Variants in KCTD10 observed in about 807,000 individuals in gnomAD.
KCTD10 encodes potassium channel tetramerization domain containing 10.
KCTD10 carries 13 observed loss-of-function variants against 34.6 expected under a neutral mutation model. The observed-to-expected ratio is 0.38, with a 90% CI of 0.24 to 0.60. The LOEUF (loss-of-function observed/expected upper bound fraction) is 0.60. Among genes scored for constraint, KCTD10 ranks in the 20% least tolerant of loss-of-function variants. The pLI is 0.66. For missense variants in KCTD10, 256 were observed against 420.3 expected (o/e 0.61, Z 3.42); for synonymous variants, 156 against 168.8 (o/e 0.92, Z 0.59).
In KCTD10 at chr12:109,451,498, G is replaced by A; in HGVS notation, c.*97C>T. Reference sequence around the variant, plus strand: ...TTACAAAAGTATCTCCAGGCTCCAAGGGAAGCAGAAGGGGCCCGGCAGCCT... The same window carrying A: ...TTACAAAAGTATCTCCAGGCTCCAAAGGAAGCAGAAGGGGCCCGGCAGCCT... On this transcript the variant is annotated 3_prime_UTR_variant, in exon 7 of 7. Coordinates refer to ENST00000228495, the MANE Select transcript of KCTD10 (RefSeq NM_031954.5). The surrounding 1 kb of genome is among the most constrained non-coding windows in gnomAD (Gnocchi z 5.0). The A allele has an allele frequency of 8.6e-7, 1 of 1,163,244 alleles. No homozygotes were observed. The highest frequency in any genetic ancestry group is 1.2e-6 in the Non-Finnish European group (1 of 826,658). The allele number at this position is 1,163,244 out of a possible 1,614,324, so 72.1% of individuals were successfully genotyped here.
intron 1 of KCTD10, among the ~76,000 whole-genome samples, chr12:109,471,573 C>T (rs1873888051): frequency 6.6e-6 from 1 of 152,196 alleles, no homozygotes; most frequent in Admixed American, 6.5e-5. Flanking sequence ...TTCTAGCTGT[C>T]CTCTGAAATC....
chr12:109,466,495 C>T (rs1873593060), intron 2 of KCTD10, among the ~76,000 whole-genome samples: 1 of 152,234 alleles, frequency 6.6e-6, no homozygotes, highest in Non-Finnish European at 1.5e-5. Context: ...ATTAGCACAA[C>T]ATGTAGACAG....
rs1872682570 is a variant in KCTD10, at chr12:109,449,996, A to C, written c.*1599T>G. On this transcript the variant is annotated 3_prime_UTR_variant, in exon 7 of 7. Transcript: ENST00000228495. The stretch of plus-strand genomic sequence containing the variant: ...CATGATTGTTTTAAAGTTTTATTGT[A>C]GACTTTGCTGTTGGATACAAAATGA... 3.0e-6 allele frequency: 1 copy of C among 328,944 alleles called. No homozygotes were observed. The highest frequency in any genetic ancestry group is 1.5e-4 in the South Asian group (1 of 6,464). 20.4% of individuals were successfully genotyped at this position (328,944 alleles called of 1,614,324 possible).
intron 2 of KCTD10, among the ~76,000 whole-genome samples, chr12:109,461,426 G>A (rs963387052): frequency 1.3e-5 from 2 of 152,120 alleles, no homozygotes; most frequent in Non-Finnish European, 1.5e-5. Flanking sequence ...CAGGCAGCTC[G>A]GTAAACATGG....
chr12:109,458,413 A>C, intron 3 of KCTD10: 1 of 218,208 alleles, frequency 4.6e-6, no homozygotes, highest in Non-Finnish European at 9.1e-6. Context: ...CCCCACTACC[A>C]TGACTGCAGA....
In KCTD10 at chr12:109,458,000, A is replaced by T; in HGVS notation, c.466T>A (p.Ser156Thr). ...GGGTGCCTCCAACATACCTTATTTGAAGTCGCTATAAGTTTTTGTTCTTCC... is the reference window on the plus strand; with the variant it reads ...GGGTGCCTCCAACATACCTTATTTGTAGTCGCTATAAGTTTTTGTTCTTCC... ...SKEEQKLIAT[S>T]NKPAVKLLYN... Residue 156 changes from serine to threonine, a missense_variant, in exon 4 of 7, where the codon TCA becomes ACA. Physicochemically the swap from Ser to Thr is moderately conservative, Grantham distance 58. Transcript: ENST00000228495. 6.2e-7 allele frequency: 1 copy of T among 1,613,222 alleles called. No homozygotes were observed. Among genetic ancestry groups the T allele is most frequent in the Non-Finnish European group, 8.5e-7 (1 of 1,179,104 alleles).
intron 2 of KCTD10, among the ~76,000 whole-genome samples, chr12:109,465,211 G>C (rs1434956855): frequency 1.3e-5 from 2 of 152,194 alleles, no homozygotes; most frequent in Non-Finnish European, 2.9e-5. Flanking sequence ...GCGGCTGTAT[G>C]CTTCTAGAAT....
chr12:109,460,912 G>A lies in KCTD10; in HGVS notation c.218-107C>T, dbSNP rs756646835. On this transcript the variant is annotated intron_variant, in intron 2 of 6. Transcript: ENST00000228495. The surrounding 1 kb of genome is among the most constrained non-coding windows in gnomAD (Gnocchi z 4.5). ...CTCCCTCTACCTCCCAGCGGAGAGCGGGACTGCCTGGAGAATGGCAGCCTC... is the reference window on the plus strand; with the variant it reads ...CTCCCTCTACCTCCCAGCGGAGAGCAGGACTGCCTGGAGAATGGCAGCCTC... 8.9e-6 allele frequency: 10 copies of A among 1,128,326 alleles called. No individual in the cohort carries two copies. The highest frequency in any genetic ancestry group is 5.1e-5 in the East Asian group (2 of 39,444). The allele number at this position is 1,128,326 out of a possible 1,614,324, so 69.9% of individuals were successfully genotyped here.
At chr12:109,458,167 G>A in intron 3 of KCTD10, 89 bp from the exon 4 acceptor site, 1 of 960,166 alleles carries the variant, frequency 1.0e-6, no homozygotes, top group Admixed American at 1.9e-5. Flanking sequence ...CTGGCGAGGG[G>A]AGATGGGGCA....
Position 109,460,859 on chromosome 12 carries a change from C to T in KCTD10, c.218-54G>A. The T allele has an allele frequency of 6.4e-7, 1 of 1,570,536 alleles. No homozygotes were observed. ...ACATGGGCCCTCCTCTTGTGGGAGG[C>T]CCTGAGCAGAGCTGGGGTGTCTCTC... On this transcript the variant is annotated intron_variant, in intron 2 of 6. Transcript: ENST00000228495. This position sits in a 1 kb window ranked among gnomAD's most constrained non-coding sequence, Gnocchi z 4.5.
intron 2 of KCTD10, among the ~76,000 whole-genome samples, chr12:109,466,924 A>G (rs1021042639): frequency 3.9e-5 from 6 of 152,258 alleles, no homozygotes; most frequent in Non-Finnish European, 2.9e-5. Flanking sequence ...TGTAGACCCA[A>G]GGGTGCATTT....
intron 2 of KCTD10, among the ~76,000 whole-genome samples, chr12:109,461,090 CA>C (rs1216646515): frequency 1.3e-5 from 2 of 152,216 alleles, no homozygotes; most frequent in Non-Finnish European, 2.9e-5. Context: ...GAAGTACCCT[CA>C]AATATCCCTT....
chr12:109,458,621 A>T (rs907438609), intron 3 of KCTD10: 1 of 154,126 alleles, frequency 6.5e-6, no homozygotes, highest in Non-Finnish European at 1.4e-5. Context: ...CCATGCAGGC[A>T]GAAGAAAGGG....
intron 2 of KCTD10, chr12:109,465,014 G>T: frequency 3.3e-6 from 1 of 305,402 alleles, no homozygotes; most frequent in Non-Finnish European, 6.5e-6. Flanking sequence ...GATCTAGGGA[G>T]TCCAGAGCCC....
chr12:109,458,201 A>T (rs944313893), intron 3 of KCTD10, 123 bp from the exon 4 acceptor site: 8 of 687,940 alleles, frequency 1.2e-5, no homozygotes, highest in Non-Finnish European at 2.0e-5. Flanking sequence ...AGAGAGAAGG[A>T]TTCTCACCAC....
chr12:109,457,396 A>G, intron 5 of KCTD10: 1 of 431,562 alleles, frequency 2.3e-6, no homozygotes. Flanking sequence ...ATATATAAAA[A>G]CCACATATTG....
At chr12:109,473,765 T>C (rs1243052239) in intron 1 of KCTD10, among the ~76,000 whole-genome samples, 2 of 151,182 alleles carry the variant, frequency 1.3e-5, no homozygotes, top group Non-Finnish European at 2.9e-5. Flanking sequence ...CTCCCCACTG[T>C]TGCTACTGGA....
At chr12:109,459,313 G>A (rs981501402) in intron 3 of KCTD10, 4 of 152,254 alleles carry the variant, frequency 2.6e-5, no homozygotes, top group African/African-American at 9.6e-5. Flanking sequence ...TAGGAGGTCA[G>A]TCCTGGAGGT....
chr12:109,451,751 C>T lies in KCTD10; in HGVS notation c.786G>A (p.Gln262=), dbSNP rs749023112. ...ETLNILLYEA[Q]DGRGPDNALL... is the part of the protein sequence containing the mutation. ...GCGCATTGTCAGGTCCCCGGCCATC[C>T]TGGGCCTCATACAGCAAAATGTTCA... Residue 262 remains glutamine (Q), a synonymous_variant, in exon 7 of 7, where the codon CAG becomes CAA. Coordinates refer to ENST00000228495, the MANE Select transcript of KCTD10 (RefSeq NM_031954.5). This position sits in a 1 kb window ranked among gnomAD's most constrained non-coding sequence, Gnocchi z 5.0. The T allele has an allele frequency of 2.8e-5, 45 of 1,614,056 alleles. No homozygotes were observed. The highest frequency in any genetic ancestry group is 3.7e-5 in the Non-Finnish European group (44 of 1,180,016).
Sources: gnomAD v4.1 joint callset for allele counts (sites outside exome capture counted in the v4.1 genomes callset) on GRCh38, gnomAD v4.1.1 for gene constraint, Gnocchi (gnomAD v3.1) non-coding constraint, MANE v1.5 for transcripts, NCBI Gene and HGNC (gene_info 2026-07-23, HGNC 2026-07-21) for gene names.